TRDN: variants seen among roughly 807,000 people sequenced by gnomAD.
TRDN encodes triadin.
A neutral mutation model predicts 149.7 loss-of-function variants in TRDN; 161 were observed. That is an observed-to-expected ratio of 1.08 (90% CI 0.95 to 1.23). The LOEUF (loss-of-function observed/expected upper bound fraction) is 1.23, where lower values mean the gene tolerates loss of function less well. Ranked by LOEUF, TRDN falls within the 50% of genes most tolerant of loss-of-function variation. The pLI, the probability that TRDN is intolerant of heterozygous loss-of-function variation, is 0.00. For synonymous variants in TRDN, 294 were observed against 250.5 expected, an observed-to-expected ratio of 1.17 and a Z score of -1.64; for missense variants, 896 against 823.5, an observed-to-expected ratio of 1.09 and a Z score of -1.08.
chr6:123,446,941 A>T (rs1341833263), intron 10 of TRDN, among the ~76,000 whole-genome samples: 1 of 152,098 alleles, frequency 6.6e-6, no homozygotes, highest in African/African-American at 2.4e-5. Context: ...TTTCCTCGGA[A>T]TTTTATTTGG....
intron 12 of TRDN, among the ~76,000 whole-genome samples, chr6:123,422,714 A>G (rs1022321523): frequency 9.9e-5 from 15 of 152,162 alleles, no homozygotes; most frequent in African/African-American, 3.4e-4. Context: ...ATTTAGGTCA[A>G]AGTGGTTAAA....
chr6:123,563,467 GC>G (rs1782107878), intron 2 of TRDN, among the ~76,000 whole-genome samples: 1 of 152,102 alleles, frequency 6.6e-6, no homozygotes, highest in African/African-American at 2.4e-5. Flanking sequence ...TATTGAATTT[GC>G]TTTTCTCTTC....
chr6:123,400,490 G>A (rs376092089), intron 12 of TRDN, among the ~76,000 whole-genome samples: 2 of 152,156 alleles, frequency 1.3e-5, no homozygotes, highest in African/African-American at 4.8e-5. Flanking sequence ...TCCCTAGCAT[G>A]AGCAATTGAC....
At chr6:123,306,540 T>C (rs1256394908) in intron 24 of TRDN, among the ~76,000 whole-genome samples, 2 of 152,224 alleles carry the variant, frequency 1.3e-5, no homozygotes, top group East Asian at 3.9e-4. Context: ...TGTAATTCTC[T>C]GCACATACTT....
intron 8 of TRDN, chr6:123,503,072 G>A (rs1358625739): frequency 2.0e-6 from 2 of 985,196 alleles, no homozygotes. Context: ...TGCAAAGTGG[G>A]GATGTAAGTT....
chr6:123,361,584 T>G lies in TRDN; in HGVS notation c.1321+4551A>C, dbSNP rs189810445. Among the ~76,000 whole-genome samples, 327 of 152,228 alleles carry G rather than the reference T, an allele frequency of 2.1e-3. 3 individuals carry two copies. The highest frequency in any genetic ancestry group is 7.8e-3 in the African/African-American group (322 of 41,548). The stretch of plus-strand genomic sequence containing the variant: ...AAAACACCAGCTACTATACTATTTT[T>G]TATTCCCAGCCAACTATCTTCATCA... On this transcript the variant is annotated intron_variant, in intron 20 of 40. Transcript: ENST00000334268.
In TRDN at chr6:123,388,411, T is replaced by C. The variant is rs539521140; in HGVS notation, c.1135+111A>G. On this transcript the variant is annotated intron_variant, in intron 14 of 40. Coordinates refer to ENST00000334268, the MANE Select transcript of TRDN (RefSeq NM_006073.4). ...ATTCATGCAAAATGTATGCACATAATAGATCCAGTTATCCAAGGGGAATAT... is the reference window on the plus strand; with the variant it reads ...ATTCATGCAAAATGTATGCACATAACAGATCCAGTTATCCAAGGGGAATAT... 1.1e-5 allele frequency: 13 copies of C among 1,234,098 alleles called. No homozygotes were observed. The African/African-American group carries it at 1.5e-4, about 14-fold the overall frequency. 76.4% of individuals were successfully genotyped at this position (1,234,098 alleles called of 1,614,324 possible). A position where few individuals can be genotyped will look rare whatever the true frequency, so the allele number is the denominator to read the frequency against.
At chr6:123,495,289 CG>C (rs942857093) in intron 9 of TRDN, among the ~76,000 whole-genome samples, 13 of 151,664 alleles carry the variant, frequency 8.6e-5, no homozygotes, top group African/African-American at 3.1e-4. Flanking sequence ...GAGGCCGAGT[CG>C]GGCAGATAAC....
At chr6:123,524,889 AAT>A (rs1443470062) in intron 5 of TRDN, among the ~76,000 whole-genome samples, 9 of 152,242 alleles carry the variant, frequency 5.9e-5, no homozygotes, top group African/African-American at 2.2e-4. Flanking sequence ...TAAACTTGGT[AAT>A]ATTTGCCATT....
chr6:123,335,770 G>A (rs1779838678), intron 22 of TRDN, among the ~76,000 whole-genome samples: 1 of 151,960 alleles, frequency 6.6e-6, no homozygotes, highest in East Asian at 1.9e-4. Flanking sequence ...TGTGATATAA[G>A]TGCAGACTAA....
intron 21 of TRDN, among the ~76,000 whole-genome samples, chr6:123,338,493 C>G (rs951451992): frequency 6.6e-6 from 1 of 152,128 alleles, no homozygotes; most frequent in African/African-American, 2.4e-5. Context: ...CACCACCATG[C>G]TGGAGAGGCT....
intron 26 of TRDN, among the ~76,000 whole-genome samples, chr6:123,275,756 G>A (rs1034436196): frequency 6.6e-6 from 1 of 152,240 alleles, no homozygotes; most frequent in Admixed American, 6.5e-5. Context: ...GACATTAAAG[G>A]TTATTCTGAT....
intron 38 of TRDN, among the ~76,000 whole-genome samples, chr6:123,234,026 T>C (rs1305404785): frequency 6.6e-6 from 1 of 152,042 alleles, no homozygotes; most frequent in Non-Finnish European, 1.5e-5. Flanking sequence ...TGAATATTAT[T>C]ATTCAAAATT....
At chr6:123,465,054 T>A (rs1443722728) in intron 9 of TRDN, 71 bp from the exon 10 acceptor site, 1 of 1,490,040 alleles carries the variant, frequency 6.7e-7, no homozygotes, top group East Asian at 2.5e-5. Context: ...ACTAAAAAGC[T>A]AGATCTGTCC....
intron 5 of TRDN, among the ~76,000 whole-genome samples, chr6:123,523,727 C>T (rs1779800919): frequency 6.6e-6 from 1 of 152,074 alleles, no homozygotes; most frequent in African/African-American, 2.4e-5. Flanking sequence ...AGGTCTATGG[C>T]AGGGACAAGC....
chr6:123,337,489 A>T (rs1164314314), intron 22 of TRDN, 130 bp downstream of exon 22: 2 of 319,734 alleles, frequency 6.3e-6, no homozygotes, highest in Non-Finnish European at 1.1e-5. Context: ...ACAAGTTTTT[A>T]AAAATATGTG....
intron 9 of TRDN, among the ~76,000 whole-genome samples, chr6:123,478,932 T>C (rs915221445): frequency 6.6e-5 from 10 of 152,178 alleles, no homozygotes; most frequent in African/African-American, 2.4e-4. Context: ...TATTTACAAG[T>C]TTGTTTGTTT....
At chr6:123,225,701 T>C (rs1224450450) in intron 38 of TRDN, among the ~76,000 whole-genome samples, 3 of 151,680 alleles carry the variant, frequency 2.0e-5, no homozygotes, top group Admixed American at 6.6e-5. Flanking sequence ...CTCAATAAAA[T>C]TAGTGGGGAA....
At chr6:123,544,329 T>C (rs1014870907) in intron 4 of TRDN, among the ~76,000 whole-genome samples, 1 of 151,648 alleles carries the variant, frequency 6.6e-6, no homozygotes, top group African/African-American at 2.4e-5. Flanking sequence ...TTTTTTTGTC[T>C]CCTTCCAAGT....
Sources: gnomAD v4.1 joint callset for allele counts (sites outside exome capture counted in the v4.1 genomes callset) on GRCh38, gnomAD v4.1.1 for gene constraint, MANE v1.5 for transcripts, NCBI Gene and HGNC (gene_info 2026-07-23, HGNC 2026-07-21) for gene names.